LCOR: variants seen among roughly 807,000 people sequenced by gnomAD.
LCOR encodes the protein ligand dependent nuclear receptor corepressor.
In LCOR, 14 loss-of-function variants were observed where a neutral mutation model predicts 64.4. The ratio of observed to expected loss-of-function variants is 0.22; its 90% CI spans 0.14 to 0.34. The LOEUF (loss-of-function observed/expected upper bound fraction) is 0.34, where lower values mean the gene tolerates loss of function less well. LCOR is among the 10% of genes least tolerant of loss of function. The pLI, the probability that LCOR is intolerant of heterozygous loss-of-function variation, is 1.00. For missense variants in LCOR, 1,686 were observed against 1,765.3 expected, an observed-to-expected ratio of 0.96 and a Z score of 0.80; for synonymous variants, 643 against 642.5, an observed-to-expected ratio of 1.00 and a Z score of -0.01.
intron 7 of LCOR, chr10:96,958,265 T>C: frequency 1.5e-6 from 2 of 1,333,014 alleles, no homozygotes; most frequent in Non-Finnish European, 1.9e-6. Context: ...AAAGTTCAAC[T>C]TTTGTAGAGT....
At chr10:96,900,785 A>G (rs1478823664) in intron 2 of LCOR, among the ~76,000 whole-genome samples, 1 of 151,998 alleles carries the variant, frequency 6.6e-6, no homozygotes, top group Non-Finnish European at 1.5e-5. Flanking sequence ...GAGAATATCT[A>G]TAAATGTCTT....
chr10:96,854,254 C>T (rs186865960), intron 2 of LCOR, among the ~76,000 whole-genome samples: 2 of 152,298 alleles, frequency 1.3e-5, no homozygotes, highest in African/African-American at 4.8e-5. Flanking sequence ...TATAAAGTTA[C>T]CTGGCAAAGG....
intron 4 of LCOR, among the ~76,000 whole-genome samples, chr10:96,927,133 C>G (rs1847182462): frequency 1.3e-5 from 2 of 152,110 alleles, no homozygotes; most frequent in Non-Finnish European, 2.9e-5. Flanking sequence ...TTTCCATCAG[C>G]AGTGTATGAG....
In LCOR at chr10:96,925,639, C is replaced by T. The variant is rs116550714; in HGVS notation, c.-184+17892C>T. 3.3e-3 allele frequency among the ~76,000 whole-genome samples: 503 copies of T among 151,992 alleles called. 3 individuals are homozygous for T. Among genetic ancestry groups the T allele is most frequent in the African/African-American group, 0.012 (482 of 41,458 alleles). On this transcript the variant is annotated intron_variant, in intron 4 of 7. Transcript: ENST00000421806. ...TTTGTGTGTGTATGTGTGATGTTAA[C>T]TTTGATCACTTGGTGAGTTGATGTC...
intron 6 of LCOR, among the ~76,000 whole-genome samples, chr10:96,951,268 A>G (rs187899956): frequency 6.6e-6 from 1 of 152,256 alleles, no homozygotes; most frequent in Admixed American, 6.5e-5. Flanking sequence ...CTAATTTTAT[A>G]TATTAATAAC....
chr10:96,912,834 T>C (rs1564623572), intron 4 of LCOR, among the ~76,000 whole-genome samples: 1 of 152,214 alleles, frequency 6.6e-6, no homozygotes, highest in African/African-American at 2.4e-5. Context: ...CCATAATTTC[T>C]TCTACATTTA....
chr10:96,844,732 C>T (rs2029946067), intron 2 of LCOR, among the ~76,000 whole-genome samples: 1 of 152,148 alleles, frequency 6.6e-6, no homozygotes, highest in Non-Finnish European at 1.5e-5. Flanking sequence ...GGAGCGTAGG[C>T]TTAGGAGAGG....
chr10:96,984,534 G>A lies in LCOR; in HGVS notation c.4074G>A (p.Lys1358=), dbSNP rs761850409. ...GCATCAACCCTCTGATGTCCCCCAA[G>A]CTTGCCCTGCAAGTGGATGCAGATG... ...SVCINPLMSP[K]LALQVDADGF... The change falls in exon 8 of 8, where the codon AAG becomes AAA. Residue 1358 remains lysine, a synonymous_variant. Transcript: ENST00000421806. 12 of 1,614,094 alleles carry A rather than the reference G, an allele frequency of 7.4e-6. 1 individual carries two copies. The African/African-American group carries it at 1.5e-4, about 20-fold the overall frequency.
At position 96,986,110 on chromosome 10, in the gene LCOR, ATATG is replaced by A. The variant is rs1231114341; in HGVS notation, c.*982_*985del. On this transcript the variant is annotated 3_prime_UTR_variant, in exon 8 of 8. Transcript: ENST00000421806. ...TTTCCAGTAATAGAAAGGTTTAAGAATATGTATGTCCATGTGTGTTTGGGTGCAT... is the reference window on the plus strand; with the variant it reads ...TTTCCAGTAATAGAAAGGTTTAAGAATATGTCCATGTGTGTTTGGGTGCAT... 3.0e-5 allele frequency: 5 copies of A among 167,126 alleles called. No individual in the cohort carries two copies. Among genetic ancestry groups the A allele is most frequent in the African/African-American group, 1.2e-4 (5 of 41,464 alleles). 10.4% of individuals were successfully genotyped at this position (167,126 alleles called of 1,614,324 possible).
intron 2 of LCOR, among the ~76,000 whole-genome samples, chr10:96,890,128 A>G (rs1378471730): frequency 6.6e-6 from 1 of 151,724 alleles, no homozygotes; most frequent in African/African-American, 2.4e-5. Flanking sequence ...TTTGAGATGG[A>G]GTCTCGCTGT....
At chr10:96,928,538 A>C (rs1457911098) in intron 4 of LCOR, among the ~76,000 whole-genome samples, 2 of 152,136 alleles carry the variant, frequency 1.3e-5, no homozygotes, top group Non-Finnish European at 2.9e-5. Flanking sequence ...TTTCCACCAT[A>C]TCTGCAGGTC....
chr10:96,943,867 T>C (rs1210693854), intron 4 of LCOR, among the ~76,000 whole-genome samples: 1 of 152,108 alleles, frequency 6.6e-6, no homozygotes, highest in Non-Finnish European at 1.5e-5. Context: ...CAGTTAAAGT[T>C]TAGTTAGAGT....
At chr10:96,934,678 T>G (rs763009925) in intron 4 of LCOR, among the ~76,000 whole-genome samples, 3 of 152,178 alleles carry the variant, frequency 2.0e-5, no homozygotes, top group Admixed American at 6.5e-5. Flanking sequence ...CTTGGCTCAC[T>G]GCAACCTCCG....
At position 96,832,307 on chromosome 10, in the gene LCOR, C is replaced by G; in HGVS notation, c.-496C>G. 4 of 982,260 alleles carry G rather than the reference C, an allele frequency of 4.1e-6. No individual in the cohort carries two copies. The highest frequency in any genetic ancestry group is 4.8e-6 in the Non-Finnish European group (4 of 828,422). 60.8% of individuals were successfully genotyped at this position (982,260 alleles called of 1,614,324 possible). On this transcript the variant is annotated 5_prime_UTR_variant, in exon 1 of 8. Coordinates refer to ENST00000421806, the MANE Select transcript of LCOR (RefSeq NM_001346516.2). ...GGGCCGGGCGGGCGGCAGAAGATGGCGAGGGTGTGTAGGCGGCAGCAATGC... is the reference window on the plus strand; with the variant it reads ...GGGCCGGGCGGGCGGCAGAAGATGGGGAGGGTGTGTAGGCGGCAGCAATGC...
In LCOR at chr10:96,985,882, A is replaced by G. The variant is rs2134568605; in HGVS notation, c.*748A>G. The stretch of plus-strand genomic sequence containing the variant: ...ACTCTAAAAAATCATTTGCATCCCC[A>G]AACTGTATTACTAATTCTCACCATC... On this transcript the variant is annotated 3_prime_UTR_variant, in exon 8 of 8. Coordinates refer to ENST00000421806, the MANE Select transcript of LCOR (RefSeq NM_001346516.2). 1 of 167,130 alleles carries G rather than the reference A, an allele frequency of 6.0e-6. No homozygotes were observed. The highest frequency in any genetic ancestry group is 2.4e-5 in the African/African-American group (1 of 41,536). 10.4% of individuals were successfully genotyped at this position (167,130 alleles called of 1,614,324 possible).
At chr10:96,894,134 CAGGCTGGAGTGCGG>C (rs1846496274) in intron 2 of LCOR, among the ~76,000 whole-genome samples, 1 of 152,120 alleles carries the variant, frequency 6.6e-6, no homozygotes, top group South Asian at 2.1e-4. Context: ...CTCTGTCACC[CAGGCTGGAGTGCGG>C]TGGCATGATC....
Position 96,985,213 on chromosome 10 carries a change from A to G in LCOR, c.*79A>G. The G allele has an allele frequency of 6.9e-7, 1 of 1,454,772 alleles. No individual in the cohort carries two copies. 90.1% of individuals were successfully genotyped at this position (1,454,772 alleles called of 1,614,324 possible). On this transcript the variant is annotated 3_prime_UTR_variant, in exon 8 of 8. Transcript: ENST00000421806. ...TTGCATTAACTAAATCTGCTTTTAT[A>G]AGCTTATCAAGCCTTTCAAATTTAC... is the stretch of plus-strand genomic sequence containing the variant.
At position 96,861,878 on chromosome 10, in the gene LCOR, TA is replaced by T. The variant is rs1845893567; in HGVS notation, c.-330+28400del. On this transcript the variant is annotated intron_variant, in intron 2 of 7. Coordinates refer to ENST00000421806, the MANE Select transcript of LCOR (RefSeq NM_001346516.2). ...AATTCCAACACTATCTACCTGGAGA[TA>T]CCATCAGATCCCACATGTAAGGTCT... 3.3e-5 allele frequency among the ~76,000 whole-genome samples: 5 copies of T among 152,260 alleles called. No individual in the cohort carries two copies. In the South Asian group the frequency reaches 1.0e-3, roughly 32 times the overall value.
At chr10:96,859,695 C>A (rs1845857395) in intron 2 of LCOR, among the ~76,000 whole-genome samples, 1 of 151,952 alleles carries the variant, frequency 6.6e-6, no homozygotes, top group Non-Finnish European at 1.5e-5. Flanking sequence ...GTAGCTGGCA[C>A]CACAGGCGTG....
Sources: allele counts gnomAD v4.1 joint callset (sites outside exome capture counted in the v4.1 genomes callset), GRCh38; gene constraint gnomAD v4.1.1; transcripts MANE v1.5; gene names NCBI Gene and HGNC (gene_info 2026-07-23, HGNC 2026-07-21).